Variants in STPG2 observed in about 807,000 individuals in gnomAD.
STPG2 encodes the protein sperm tail PG-rich repeat containing 2, also known as sperm-tail PG-rich repeat-containing protein 2.
STPG2 carries 56 observed loss-of-function variants against 54.2 expected under a neutral mutation model. The observed-to-expected ratio is 1.03, with a 90% CI of 0.83 to 1.29. STPG2 has a LOEUF of 1.29. Among genes scored for constraint, STPG2 ranks in the 50% most tolerant of loss-of-function variants. STPG2 has a pLI of 0.00. For missense variants in STPG2, 596 were observed against 544.9 expected, an observed-to-expected ratio of 1.09 and a Z score of -0.93; for synonymous variants, 200 against 181.8, an observed-to-expected ratio of 1.10 and a Z score of -0.81.
chr4:97,565,962 A>C (rs1560663798), intron 10 of STPG2, among the ~76,000 whole-genome samples: 1 of 152,204 alleles, frequency 6.6e-6, no homozygotes, highest in Non-Finnish European at 1.5e-5. Context: ...TGCTCTCTTC[A>C]AAGCTGTCAG....
intron 8 of STPG2, among the ~76,000 whole-genome samples, chr4:97,922,748 T>C (rs1047349523): frequency 1.3e-5 from 2 of 152,158 alleles, no homozygotes; most frequent in African/African-American, 4.8e-5. Context: ...AGAAGGGATT[T>C]CCCCTTTTCA....
intron 4 of STPG2, among the ~76,000 whole-genome samples, chr4:97,536,933 A>G (rs1040652006): frequency 6.6e-6 from 1 of 152,226 alleles, no homozygotes; most frequent in East Asian, 1.9e-4. Context: ...TGTTTCATAC[A>G]TAATCATCGG....
At chr4:98,061,254 T>C (rs1737644733) in intron 5 of STPG2, among the ~76,000 whole-genome samples, 1 of 152,160 alleles carries the variant, frequency 6.6e-6, no homozygotes, top group African/African-American at 2.4e-5. Context: ...TGAGACTGGG[T>C]AATTTATGAA....
intron 1 of STPG2, among the ~76,000 whole-genome samples, chr4:98,142,615 T>C (rs1234154045): frequency 2.0e-5 from 3 of 151,832 alleles, no homozygotes; most frequent in Non-Finnish European, 4.4e-5. Context: ...AATAGAAATA[T>C]AAGCTACATC....
intron 9 of STPG2, among the ~76,000 whole-genome samples, chr4:97,744,564 G>A (rs1320214845): frequency 4.0e-5 from 6 of 150,530 alleles, no homozygotes; most frequent in Non-Finnish European, 8.9e-5. Context: ...TTATCTTCAG[G>A]GGATACTTCC....
At chr4:97,862,488 T>A (rs974481443) in intron 8 of STPG2, among the ~76,000 whole-genome samples, 1 of 151,914 alleles carries the variant, frequency 6.6e-6, no homozygotes, top group South Asian at 2.1e-4. Context: ...CTCCCACACA[T>A]TAATAATAGG....
chr4:98,056,029 G>A (rs1428610103), intron 5 of STPG2, among the ~76,000 whole-genome samples: 2 of 151,994 alleles, frequency 1.3e-5, no homozygotes, highest in South Asian at 2.1e-4. Context: ...AACTCCCCAC[G>A]TCACTTTGCT....
intron 8 of STPG2, among the ~76,000 whole-genome samples, chr4:97,875,261 T>C (rs548593327): frequency 1.3e-5 from 2 of 151,964 alleles, no homozygotes; most frequent in Admixed American, 6.6e-5. Flanking sequence ...TATTGGACTT[T>C]TGAATAAAAC....
At chr4:97,906,580 C>A (rs1241411996) in intron 8 of STPG2, among the ~76,000 whole-genome samples, 4 of 152,132 alleles carry the variant, frequency 2.6e-5, no homozygotes, top group East Asian at 1.9e-4. Flanking sequence ...GAATTTTAGA[C>A]CAATATCCTT....
chr4:97,927,631 A>T (rs1732385615), intron 8 of STPG2, among the ~76,000 whole-genome samples: 1 of 152,138 alleles, frequency 6.6e-6, no homozygotes, highest in African/African-American at 2.4e-5. Flanking sequence ...AGTTTATAAT[A>T]CTATCATATT....
intron 10 of STPG2, among the ~76,000 whole-genome samples, chr4:97,641,926 G>GTTGT (rs1242012786): frequency 6.6e-6 from 1 of 151,458 alleles, no homozygotes. Flanking sequence ...TGTAAGCATA[G>GTTGT]TTGTTTTTGA....
intron 9 of STPG2, among the ~76,000 whole-genome samples, chr4:97,761,971 T>C (rs1171807222): frequency 6.6e-6 from 1 of 152,104 alleles, no homozygotes; most frequent in Non-Finnish European, 1.5e-5. Flanking sequence ...GGAAAATGCA[T>C]AGCTGAAGCA....
intron 10 of STPG2, among the ~76,000 whole-genome samples, chr4:97,661,021 T>C (rs982421101): frequency 6.6e-6 from 1 of 152,114 alleles, no homozygotes; most frequent in African/African-American, 2.4e-5. Context: ...GATAGAAAGA[T>C]TATTCTCTAA....
chr4:98,121,706 T>C (rs1205192465), intron 3 of STPG2, among the ~76,000 whole-genome samples: 1 of 130,014 alleles, frequency 7.7e-6, no homozygotes, highest in Non-Finnish European at 1.7e-5. Flanking sequence ...TGTTGGTGTA[T>C]AGGAATGCCT....
At chr4:97,564,926 C>T (rs1451701087) in intron 10 of STPG2, among the ~76,000 whole-genome samples, 4 of 152,172 alleles carry the variant, frequency 2.6e-5, no homozygotes, top group African/African-American at 9.7e-5. Flanking sequence ...AGTTGCTCTT[C>T]TCGAGGAGTA....
chr4:98,083,932 C>T (rs1738427956), intron 5 of STPG2, among the ~76,000 whole-genome samples: 1 of 152,156 alleles, frequency 6.6e-6, no homozygotes, highest in South Asian at 2.1e-4. Context: ...GTCACTGCAG[C>T]CTCCAACTCT....
chr4:97,761,877 T>C (rs142209954), intron 9 of STPG2, among the ~76,000 whole-genome samples: 2,380 of 152,258 alleles, frequency 0.016, 23 homozygotes, highest in Middle Eastern at 0.061. Context: ...CACAGCTTTT[T>C]TTGCTGATTT....
chr4:97,769,173 G>A (rs1038439460), intron 9 of STPG2, among the ~76,000 whole-genome samples: 1 of 152,320 alleles, frequency 6.6e-6, no homozygotes, highest in East Asian at 1.9e-4. Context: ...TGTTCAGTCA[G>A]TTGGGGGACT....
At chr4:97,956,866 C>A (rs1378116759) in intron 7 of STPG2, among the ~76,000 whole-genome samples, 1 of 151,986 alleles carries the variant, frequency 6.6e-6, no homozygotes, top group Non-Finnish European at 1.5e-5. Context: ...CAGAGCCTAC[C>A]CAAATGAGAA....
Sources: allele counts gnomAD v4.1 joint callset (sites outside exome capture counted in the v4.1 genomes callset), GRCh38; gene constraint gnomAD v4.1.1; transcripts MANE v1.5; gene names NCBI Gene and HGNC (gene_info 2026-07-23, HGNC 2026-07-21).